DCDC1: variants seen among roughly 807,000 people sequenced by gnomAD.
DCDC1 encodes the protein doublecortin domain containing 1.
A neutral mutation model predicts 178.3 loss-of-function variants in DCDC1; 200 were observed. The ratio of observed to expected loss-of-function variants is 1.12; its 90% CI spans 1.00 to 1.26. The LOEUF (loss-of-function observed/expected upper bound fraction) is 1.26, where lower values mean the gene tolerates loss of function less well. DCDC1 is among the 50% of genes most tolerant of loss of function. The pLI is 0.00. For synonymous variants in DCDC1, 690 were observed against 604.8 expected (o/e 1.14, Z -2.07); for missense variants, 1,983 against 1,749.2 (o/e 1.13, Z -2.38).
At chr11:30,931,387 T>C (rs1223689599) in intron 22 of DCDC1, among the ~76,000 whole-genome samples, 5 of 152,138 alleles carry the variant, frequency 3.3e-5, no homozygotes, top group Non-Finnish European at 5.9e-5. Context: ...TAAACATAAT[T>C]GTGTATAATT....
intron 9 of DCDC1, among the ~76,000 whole-genome samples, chr11:31,140,311 G>A (rs775446767): frequency 1.2e-4 from 19 of 152,278 alleles, no homozygotes; most frequent in Middle Eastern, 3.4e-3. Context: ...GAAACAGAAA[G>A]GTGGATAAAA....
At chr11:31,266,020 A>G (rs1465456892) in intron 7 of DCDC1, among the ~76,000 whole-genome samples, 1 of 151,440 alleles carries the variant, frequency 6.6e-6, no homozygotes, top group Non-Finnish European at 1.5e-5. Flanking sequence ...TGTTCCATTT[A>G]TTTCACAATG....
At chr11:30,902,849 A>G (rs1365802435) in intron 32 of DCDC1, among the ~76,000 whole-genome samples, 1 of 152,190 alleles carries the variant, frequency 6.6e-6, no homozygotes, top group Non-Finnish European at 1.5e-5. Context: ...TTTATTTAGC[A>G]GACTGTCGTT....
At chr11:31,208,268 A>G (rs1029300817) in intron 9 of DCDC1, among the ~76,000 whole-genome samples, 1 of 152,156 alleles carries the variant, frequency 6.6e-6, no homozygotes, top group African/African-American at 2.4e-5. Context: ...TTCTTTATTC[A>G]GTAAATGGAG....
At chr11:31,121,312 C>T (rs1960762103) in intron 11 of DCDC1, among the ~76,000 whole-genome samples, 2 of 151,358 alleles carry the variant, frequency 1.3e-5, no homozygotes, top group Admixed American at 1.3e-4. Context: ...ACAGGTGATA[C>T]AACTCTTTCC....
intron 20 of DCDC1, among the ~76,000 whole-genome samples, chr11:30,985,236 A>G (rs1156485065): frequency 6.6e-6 from 1 of 152,210 alleles, no homozygotes; most frequent in East Asian, 1.9e-4. Context: ...GTCAGAAATG[A>G]AAAAAGAAAG....
At chr11:30,917,134 C>A in intron 25 of DCDC1, 106 bp from the exon 26 acceptor site, 1 of 1,118,262 alleles carries the variant, frequency 8.9e-7, no homozygotes, top group Non-Finnish European at 1.2e-6. Flanking sequence ...GTTGGTGGAT[C>A]TATAAATCTT....
At chr11:31,354,543 T>TG (rs1215718470) in intron 1 of DCDC1, among the ~76,000 whole-genome samples, 1 of 152,180 alleles carries the variant, frequency 6.6e-6, no homozygotes, top group African/African-American at 2.4e-5. Context: ...TTAGTTTAAC[T>TG]GGGGGCATGA....
intron 31 of DCDC1, 123 bp downstream of exon 31, chr11:30,904,838 G>A (rs908316859): frequency 4.5e-6 from 5 of 1,108,592 alleles, no homozygotes; most frequent in Non-Finnish European, 6.6e-6. Flanking sequence ...CATCTCATCA[G>A]CTTTAACTGG....
chr11:31,300,215 G>A (rs1948004545), intron 6 of DCDC1, among the ~76,000 whole-genome samples: 1 of 152,166 alleles, frequency 6.6e-6, no homozygotes, highest in South Asian at 2.1e-4. Flanking sequence ...GCGAGATTAA[G>A]TGACTGGCCC....
chr11:30,945,882 G>A (rs1948013826), intron 21 of DCDC1, among the ~76,000 whole-genome samples: 1 of 152,012 alleles, frequency 6.6e-6, no homozygotes, highest in Admixed American at 6.6e-5. Context: ...CCATCCATTA[G>A]GTGGGTGGGA....
At chr11:31,137,243 C>T (rs763012544) in intron 10 of DCDC1, among the ~76,000 whole-genome samples, 3 of 151,888 alleles carry the variant, frequency 2.0e-5, no homozygotes, top group Admixed American at 2.0e-4. Context: ...AAATGATACC[C>T]GGTTGTGATC....
intron 3 of DCDC1, among the ~76,000 whole-genome samples, chr11:31,322,854 G>C (rs1949441008): frequency 6.6e-6 from 1 of 152,060 alleles, no homozygotes; most frequent in South Asian, 2.1e-4. Context: ...GTTGAATTTT[G>C]TTACTTTCCA....
chr11:31,160,966 T>A (rs1421713161), intron 9 of DCDC1, among the ~76,000 whole-genome samples: 1 of 152,176 alleles, frequency 6.6e-6, no homozygotes, highest in Non-Finnish European at 1.5e-5. Flanking sequence ...ATCCTTATGG[T>A]TTCTAGGAAT....
chr11:30,973,273 C>CA (rs35354864), intron 20 of DCDC1, among the ~76,000 whole-genome samples: 7,836 of 113,720 alleles, frequency 0.069, 606 homozygotes, highest in African/African-American at 0.2. Context: ...GACTCCATCT[C>CA]AAAAAAAAAA....
chr11:30,979,426 A>C (rs1477499145), intron 20 of DCDC1, among the ~76,000 whole-genome samples: 1 of 152,228 alleles, frequency 6.6e-6, no homozygotes, highest in Non-Finnish European at 1.5e-5. Context: ...TTTCTGAACA[A>C]ACCTTTAAAT....
intron 3 of DCDC1, among the ~76,000 whole-genome samples, chr11:31,326,524 G>A (rs1006724580): frequency 1.6e-4 from 25 of 152,076 alleles, no homozygotes; most frequent in African/African-American, 5.6e-4. Flanking sequence ...TTGTATAAAG[G>A]AACATTTAAT....
At chr11:31,006,568 C>T (rs1422564248) in intron 20 of DCDC1, among the ~76,000 whole-genome samples, 3 of 152,194 alleles carry the variant, frequency 2.0e-5, no homozygotes, top group Non-Finnish European at 4.4e-5. Flanking sequence ...GGAAATGTTG[C>T]TTAACCGCTC....
chr11:30,897,582 C>CAA (rs35815662), intron 34 of DCDC1, among the ~76,000 whole-genome samples: 28,162 of 72,532 alleles, frequency 0.39, 5,395 homozygotes, highest in Non-Finnish European at 0.47. Context: ...GACTCCGTCT[C>CAA]AAAAAAAAAA....
Sources: allele counts gnomAD v4.1 joint callset (sites outside exome capture counted in the v4.1 genomes callset), GRCh38; gene constraint gnomAD v4.1.1; transcripts MANE v1.5; gene names NCBI Gene and HGNC (gene_info 2026-07-23, HGNC 2026-07-21).